The following PPP6R3 variants were observed in gnomAD, a reference collection of about 807,000 sequenced individuals.
PPP6R3 encodes the protein protein phosphatase 6 regulatory subunit 3.
Under a neutral mutation model 110.7 loss-of-function variants are expected in PPP6R3, and 38 were observed. The observed-to-expected ratio is 0.34, with a 90% CI of 0.26 to 0.45. PPP6R3 has a LOEUF of 0.45. Ranked by LOEUF, PPP6R3 falls within the 20% of genes least tolerant of loss-of-function variation. The pLI is 1.00. For missense variants in PPP6R3, 870 were observed against 1,062.4 expected (o/e 0.82, Z 2.52); for synonymous variants, 369 against 373.5 (o/e 0.99, Z 0.14).
chr11:68,573,112 TTTTATATATATATATATATA>T (rs1164755024), intron 12 of PPP6R3, among the ~76,000 whole-genome samples: 5 of 38,078 alleles, frequency 1.3e-4, no homozygotes, highest in East Asian at 1.2e-3. Context: ...AGTTTACTTA[TTTTATATATATATATATATA>T]TATATATATA....
chr11:68,461,555 A>G (rs1454007378), intron 1 of PPP6R3, among the ~76,000 whole-genome samples: 1 of 151,690 alleles, frequency 6.6e-6, no homozygotes, highest in Non-Finnish European at 1.5e-5. Context: ...AAGCCCATTC[A>G]CTGTTTACTT....
chr11:68,552,066 G>A (rs2099383416), intron 6 of PPP6R3, among the ~76,000 whole-genome samples: 1 of 152,204 alleles, frequency 6.6e-6, no homozygotes, highest in South Asian at 2.1e-4. Context: ...GGACCAGTGG[G>A]TGTGTGTGTC....
chr11:68,513,815 G>A (rs1206981331), intron 1 of PPP6R3, among the ~76,000 whole-genome samples: 2 of 152,164 alleles, frequency 1.3e-5, no homozygotes, highest in Non-Finnish European at 2.9e-5. Context: ...TGTTGACTTT[G>A]TGTGTAAGCG....
intron 1 of PPP6R3, among the ~76,000 whole-genome samples, chr11:68,483,714 T>A (rs1347579967): frequency 6.6e-6 from 1 of 152,192 alleles, no homozygotes; most frequent in East Asian, 1.9e-4. Context: ...ACTCCTGACT[T>A]CAGGTGATCC....
intron 5 of PPP6R3, 68 bp downstream of exon 5, chr11:68,548,272 G>C: frequency 6.3e-7 from 1 of 1,583,614 alleles, no homozygotes; most frequent in Non-Finnish European, 8.6e-7. Flanking sequence ...CCAGGCTGCT[G>C]TGTGCTGGGA....
chr11:68,509,212 C>A (rs779653805), intron 1 of PPP6R3, among the ~76,000 whole-genome samples: 4 of 152,206 alleles, frequency 2.6e-5, no homozygotes, highest in African/African-American at 9.6e-5. Flanking sequence ...TTAGGGAGAA[C>A]CTTTCATCAT....
At chr11:68,591,551 T>G (rs753466290) in intron 17 of PPP6R3, 25 bp from the exon 18 acceptor site, 10 of 1,559,864 alleles carry the variant, frequency 6.4e-6, no homozygotes, top group Non-Finnish European at 8.7e-6. Flanking sequence ...TATTTTGTTG[T>G]TTTTTTCCTC....
At chr11:68,478,823 A>T (rs2098868464) in intron 1 of PPP6R3, among the ~76,000 whole-genome samples, 2 of 151,414 alleles carry the variant, frequency 1.3e-5, no homozygotes, top group African/African-American at 4.9e-5. Context: ...ATGCCCAGTT[A>T]AGTTTTATGT....
chr11:68,588,437 T>C (rs2099585536), intron 16 of PPP6R3, among the ~76,000 whole-genome samples: 1 of 151,680 alleles, frequency 6.6e-6, no homozygotes, highest in South Asian at 2.1e-4. Context: ...ATTGTACTCC[T>C]GCCTCAGTGA....
At chr11:68,485,218 TGTATATTAACCTTG>T (rs2098938934) in intron 1 of PPP6R3, among the ~76,000 whole-genome samples, 1 of 151,838 alleles carries the variant, frequency 6.6e-6, no homozygotes, top group African/African-American at 2.4e-5. Context: ...AGTTGATGTT[TGTATATTAACCTTG>T]TAGCCTGTAA....
intron 2 of PPP6R3, among the ~76,000 whole-genome samples, chr11:68,530,586 A>G (rs906724671): frequency 2.6e-5 from 4 of 152,184 alleles, no homozygotes; most frequent in Non-Finnish European, 5.9e-5. Flanking sequence ...CGGTGTTGCT[A>G]TCTTGAGGAT....
intron 1 of PPP6R3, among the ~76,000 whole-genome samples, chr11:68,510,498 C>T (rs1161841162): frequency 6.6e-6 from 1 of 151,984 alleles, no homozygotes; most frequent in Non-Finnish European, 1.5e-5. Flanking sequence ...CCATGCTTGG[C>T]TGATTTTTAA....
chr11:68,466,827 A>G (rs1378495725), intron 1 of PPP6R3, among the ~76,000 whole-genome samples: 1 of 152,180 alleles, frequency 6.6e-6, no homozygotes, highest in African/African-American at 2.4e-5. Context: ...GTTAGCCAGG[A>G]TGGTCTCCAT....
chr11:68,489,771 A>G (rs1306636276), intron 1 of PPP6R3, among the ~76,000 whole-genome samples: 1 of 151,778 alleles, frequency 6.6e-6, no homozygotes, highest in Non-Finnish European at 1.5e-5. Context: ...ATGTTTGCAT[A>G]TGGGAAACCA....
chr11:68,477,728 TAAAAA>T (rs1181714569), intron 1 of PPP6R3, among the ~76,000 whole-genome samples: 61 of 77,412 alleles, frequency 7.9e-4, no homozygotes, highest in Non-Finnish European at 1.0e-3. Flanking sequence ...CATTGTCTCT[TAAAAA>T]AAAAAAAAAT....
At chr11:68,526,641 TCTC>T (rs1469539453) in intron 2 of PPP6R3, among the ~76,000 whole-genome samples, 3 of 152,108 alleles carry the variant, frequency 2.0e-5, no homozygotes. Context: ...GTTCCTTGCC[TCTC>T]CTCGGTTTCC....
chr11:68,588,080 A>T (rs1437460973), intron 16 of PPP6R3, 56 bp downstream of exon 16: 2 of 1,430,642 alleles, frequency 1.4e-6, no homozygotes, highest in East Asian at 4.5e-5. Flanking sequence ...CTCTTGGTAG[A>T]TGTATGTGTG....
At chr11:68,573,267 C>T (rs918496243) in intron 12 of PPP6R3, among the ~76,000 whole-genome samples, 10 of 150,594 alleles carry the variant, frequency 6.6e-5, no homozygotes, top group African/African-American at 1.7e-4. Context: ...TTTCCTGCCT[C>T]AGCCTCCTGA....
At position 68,609,991 on chromosome 11, in the gene PPP6R3, G is replaced by A. The variant is rs2513302; in HGVS notation, c.2538G>A (p.Ala846=). 272 of 1,614,058 alleles carry A rather than the reference G, an allele frequency of 1.7e-4. 1 individual carries two copies. The African/African-American group carries it at 3.3e-3, about 20-fold the overall frequency. Residue 846 remains alanine (A), a synonymous_variant, in exon 23 of 24, where the codon GCG becomes GCA. Coordinates refer to ENST00000393800, the MANE Select transcript of PPP6R3 (RefSeq NM_001164161.2). The part of the protein sequence containing the change: ...CPETAEAKCA[A]PRPPSSSPEQ... ...AGACTGCAGAGGCGAAGTGCGCGGCGCCCAGGCCTCCCAGCAGCAGTCCCG... is the reference window on the plus strand; with the variant it reads ...AGACTGCAGAGGCGAAGTGCGCGGCACCCAGGCCTCCCAGCAGCAGTCCCG...
Sources: allele counts gnomAD v4.1 joint callset (sites outside exome capture counted in the v4.1 genomes callset), GRCh38; gene constraint gnomAD v4.1.1; transcripts MANE v1.5; gene names NCBI Gene and HGNC (gene_info 2026-07-23, HGNC 2026-07-21).